Variants in OSBPL3 observed in about 807,000 individuals in gnomAD.
OSBPL3 encodes the protein oxysterol binding protein like 3, also known as oxysterol-binding protein-related protein 3.
Under a neutral mutation model 120.1 loss-of-function variants are expected in OSBPL3, and 65 were observed. The ratio of observed to expected loss-of-function variants is 0.54; its 90% CI spans 0.44 to 0.67. OSBPL3 has a LOEUF of 0.67. Among genes scored for constraint, OSBPL3 ranks in the 30% least tolerant of loss-of-function variants. OSBPL3 has a pLI of 0.00. For synonymous variants in OSBPL3, 416 were observed against 402.6 expected (o/e 1.03, Z -0.40); for missense variants, 1,004 against 1,082.1 (o/e 0.93, Z 1.01).
chr7:24,894,252 T>C lies in OSBPL3; in HGVS notation c.-149-1631A>G, dbSNP rs190645247. Among the ~76,000 whole-genome samples the C allele has an allele frequency of 2.0e-4, 30 of 152,246 alleles. 1 individual carries two copies. In the East Asian group the frequency reaches 4.2e-3, roughly 22 times the overall value. On this transcript the variant is annotated intron_variant, in intron 1 of 22. Coordinates refer to ENST00000313367, the MANE Select transcript of OSBPL3 (RefSeq NM_015550.4). The surrounding 1 kb of genome is among the most constrained non-coding windows in gnomAD (Gnocchi z 4.1). ...AATGAAATTAAGGTGCCCAGAGCCA[T>C]AGAGCTCAATTCCCATGTTACTCTT...
rs184394648 is a variant in OSBPL3, at chr7:24,875,118, T to G, written c.97-3049A>C. Among the ~76,000 whole-genome samples the G allele has an allele frequency of 1.0e-3, 159 of 152,366 alleles. 1 individual carries two copies. Among genetic ancestry groups the G allele is most frequent in the Admixed American group, 2.0e-3 (30 of 15,310 alleles). On this transcript the variant is annotated intron_variant, in intron 2 of 22. Transcript: ENST00000313367. Reference sequence around the variant, plus strand: ...ACTTCCCAAAGTGCCATTAGCCATTTCTGTAAGTGAAATGTGCTTAAAATC... The same window carrying G: ...ACTTCCCAAAGTGCCATTAGCCATTGCTGTAAGTGAAATGTGCTTAAAATC...
At chr7:24,861,420 C>T (rs186713914) in intron 10 of OSBPL3, among the ~76,000 whole-genome samples, 193 bp downstream of exon 10, 1 of 152,264 alleles carries the variant, frequency 6.6e-6, no homozygotes, top group Admixed American at 6.5e-5. Flanking sequence ...TTGTCTCCCC[C>T]ACAAGGTTAA....
At chr7:24,945,057 C>T (rs1019106940) in intron 1 of OSBPL3, among the ~76,000 whole-genome samples, 3 of 152,276 alleles carry the variant, frequency 2.0e-5, no homozygotes, top group Admixed American at 6.5e-5. Context: ...AATTTGATTA[C>T]TTGAGTATCA....
In OSBPL3 at chr7:24,900,431, T is replaced by C. The variant is rs1302090987; in HGVS notation, c.-149-7810A>G. ...CCTACGGTAAAATTAGCTTCGTATA[T>C]ATCGTTTCACTTGAAGTCACAGTTT... On this transcript the variant is annotated intron_variant, in intron 1 of 22. Transcript: ENST00000313367. This position sits in a 1 kb window ranked among gnomAD's most constrained non-coding sequence, Gnocchi z 4.5. 6.6e-6 allele frequency among the ~76,000 whole-genome samples: 1 copy of C among 152,226 alleles called. No individual in the cohort carries two copies. The highest frequency in any genetic ancestry group is 1.5e-5 in the Non-Finnish European group (1 of 68,036).
rs62451593 is a variant in OSBPL3, at chr7:24,979,535, G to A, written c.-150+351C>T. Among the ~76,000 whole-genome samples the A allele has an allele frequency of 2.9e-3, 439 of 152,286 alleles. 2 individuals are homozygous for A. Among genetic ancestry groups the A allele is most frequent in the Non-Finnish European group, 5.3e-3 (359 of 68,008 alleles). ...CAGGCTTCCTGAGCCTCTAGCCCCG[G>A]CGTAGCGCCTCCCCGCTGCCCAGGA... On this transcript the variant is annotated intron_variant, in intron 1 of 22. Coordinates refer to ENST00000313367, the MANE Select transcript of OSBPL3 (RefSeq NM_015550.4).
At chr7:24,941,876 T>C (rs1231976707) in intron 1 of OSBPL3, among the ~76,000 whole-genome samples, 2 of 152,188 alleles carry the variant, frequency 1.3e-5, no homozygotes, top group Non-Finnish European at 2.9e-5. Context: ...TCAACCTTCC[T>C]TTCCCCCTTT....
At chr7:24,895,351 T>A (rs1805982981) in intron 1 of OSBPL3, among the ~76,000 whole-genome samples, 1 of 152,204 alleles carries the variant, frequency 6.6e-6, no homozygotes, top group Admixed American at 6.5e-5. Context: ...CAGGACAGTA[T>A]CATGCTGTAC....
At chr7:24,880,284 C>A (rs539138494) in intron 2 of OSBPL3, among the ~76,000 whole-genome samples, 1 of 152,136 alleles carries the variant, frequency 6.6e-6, no homozygotes. Flanking sequence ...TTGCAGACTG[C>A]GTCTTGAGAT....
Position 24,966,202 on chromosome 7 carries a change from G to A in OSBPL3, c.-150+13684C>T, listed in dbSNP as rs1221871951. Among the ~76,000 whole-genome samples, 5 of 152,206 alleles carry A rather than the reference G, an allele frequency of 3.3e-5. No individual in the cohort carries two copies. The highest frequency in any genetic ancestry group is 2.6e-4 in the Admixed American group (4 of 15,276). On this transcript the variant is annotated intron_variant, in intron 1 of 22. Coordinates refer to ENST00000313367, the MANE Select transcript of OSBPL3 (RefSeq NM_015550.4). This position sits in a 1 kb window ranked among gnomAD's most constrained non-coding sequence, Gnocchi z 4.8. ...CCCAGACTGGGAAGTTCTTAGCCGC[G>A]AAGAGAAATCCAGCACCTGCGGAGA...
rs1441748439 is a variant in OSBPL3 at position 24,959,273 on chromosome 7, C to T, written c.-150+20613G>A. On this transcript the variant is annotated intron_variant, in intron 1 of 22. Coordinates refer to ENST00000313367, the MANE Select transcript of OSBPL3 (RefSeq NM_015550.4). This position sits in a 1 kb window ranked among gnomAD's most constrained non-coding sequence, Gnocchi z 4.3. ...ACATTTGTTCACCAAAAGTTATGTACGAGAATATTCACAGCAGCACTAATC... is the reference window on the plus strand; with the variant it reads ...ACATTTGTTCACCAAAAGTTATGTATGAGAATATTCACAGCAGCACTAATC... 1.3e-5 allele frequency among the ~76,000 whole-genome samples: 2 copies of T among 151,612 alleles called. No individual in the cohort carries two copies. Among genetic ancestry groups the T allele is most frequent in the Non-Finnish European group, 2.9e-5 (2 of 67,940 alleles).
chr7:24,861,669 TCA>T lies in OSBPL3; in HGVS notation c.969_970del (p.Glu324AsnfsTer7), dbSNP rs760483759. 6.2e-7 allele frequency: 1 copy of T among 1,610,954 alleles called. No homozygotes were observed. Among genetic ancestry groups the T allele is most frequent in the African/African-American group, 1.3e-5 (1 of 74,956 alleles). On this transcript the variant is annotated frameshift_variant, in exon 10 of 23. Transcript: ENST00000313367. LOFTEE classifies it high-confidence loss of function. ...CATTTTAGAAAACTCTGATGAGGTT[TCA>T]GAGCCATCAGAATAATTTTTCTCTT...
Position 24,840,764 on chromosome 7 carries a change from T to C in OSBPL3, c.1421A>G (p.Tyr474Cys), listed in dbSNP as rs774453612. 9.7e-6 allele frequency: 14 copies of C among 1,445,922 alleles called. No homozygotes were observed. The highest frequency in any genetic ancestry group is 1.2e-5 in the Non-Finnish European group (13 of 1,047,970). 89.6% of individuals were successfully genotyped at this position (1,445,922 alleles called of 1,614,324 possible). Residue 474 changes from tyrosine to cysteine, a missense_variant, in exon 14 of 23, where the codon TAT (tyrosine) becomes TGT (cysteine). Tyr to Cys is a radical substitution (Grantham distance 194, BLOSUM62 -2). Coordinates refer to ENST00000313367, the MANE Select transcript of OSBPL3 (RefSeq NM_015550.4). ...AAGATTATCACTTATGTCACTGACA[T>C]ATGAGTCATCATCAGAAATCTATGG... Reference protein sequence around the residue: ...SENEISDDDSYVSDISDNLSL... With the variant: ...SENEISDDDSCVSDISDNLSL...
intron 1 of OSBPL3, among the ~76,000 whole-genome samples, chr7:24,975,579 T>C (rs578078744): frequency 2.0e-5 from 3 of 152,204 alleles, no homozygotes; most frequent in Non-Finnish European, 4.4e-5. Flanking sequence ...TTTAGTGATG[T>C]GAGGAATAGA....
intron 1 of OSBPL3, among the ~76,000 whole-genome samples, chr7:24,962,568 G>A (rs114409262): frequency 1.3e-5 from 2 of 152,086 alleles, no homozygotes; most frequent in Admixed American, 6.5e-5. Context: ...TTAGGCACAC[G>A]ACCCAGGTGG....
In OSBPL3 at chr7:24,953,694, A is replaced by G. The variant is rs1283542071; in HGVS notation, c.-150+26192T>C. Reference sequence around the variant, plus strand: ...TACCTATTTCAGATCCTGGTACAGTAGGTGCCCAGTAAACGCTGAACAAAT... The same window carrying G: ...TACCTATTTCAGATCCTGGTACAGTGGGTGCCCAGTAAACGCTGAACAAAT... On this transcript the variant is annotated intron_variant, in intron 1 of 22. Coordinates refer to ENST00000313367, the MANE Select transcript of OSBPL3 (RefSeq NM_015550.4). This position sits in a 1 kb window ranked among gnomAD's most constrained non-coding sequence, Gnocchi z 4.3. Among the ~76,000 whole-genome samples, 1 of 152,222 alleles carries G rather than the reference A, an allele frequency of 6.6e-6. No individual in the cohort carries two copies.
chr7:24,911,009 G>A (rs1808749907), intron 1 of OSBPL3, among the ~76,000 whole-genome samples: 2 of 152,190 alleles, frequency 1.3e-5, no homozygotes, highest in African/African-American at 4.8e-5. Flanking sequence ...GACACTCCCA[G>A]GTGATTTGGA....
intron 1 of OSBPL3, among the ~76,000 whole-genome samples, chr7:24,963,547 G>A (rs545510354): frequency 1.1e-4 from 16 of 152,274 alleles, no homozygotes; most frequent in African/African-American, 9.6e-5. Context: ...GGCTGAGTGC[G>A]CATCTGACTG....
In OSBPL3 at chr7:24,918,553, C is replaced by T. The variant is rs1810004837; in HGVS notation, c.-149-25932G>A. 6.6e-6 allele frequency among the ~76,000 whole-genome samples: 1 copy of T among 152,176 alleles called. No homozygotes were observed. The highest frequency in any genetic ancestry group is 6.5e-5 in the Admixed American group (1 of 15,276). ...AATATTCACACAACTGTTATGTGGG[C>T]TTACTTAGAAACATATGTACAAGCA... On this transcript the variant is annotated intron_variant, in intron 1 of 22. Transcript: ENST00000313367. This position sits in a 1 kb window ranked among gnomAD's most constrained non-coding sequence, Gnocchi z 4.3.
chr7:24,849,912 T>C lies in OSBPL3; in HGVS notation c.1159-736A>G, dbSNP rs1798927975. On this transcript the variant is annotated intron_variant, in intron 11 of 22. Transcript: ENST00000313367. The surrounding 1 kb of genome is among the most constrained non-coding windows in gnomAD (Gnocchi z 5.4). ...TGACAGATGTTGCAGCGAGCTGAGA[T>C]TGCGGCCTGGGTGAGAGTGAGACCC... 6.6e-6 allele frequency among the ~76,000 whole-genome samples: 1 copy of C among 151,166 alleles called. No homozygotes were observed. Among genetic ancestry groups the C allele is most frequent in the African/African-American group, 2.4e-5 (1 of 41,088 alleles).
Sources: gnomAD v4.1 joint callset for allele counts (sites outside exome capture counted in the v4.1 genomes callset) on GRCh38, gnomAD v4.1.1 for gene constraint, Gnocchi (gnomAD v3.1) non-coding constraint, MANE v1.5 for transcripts, NCBI Gene and HGNC (gene_info 2026-07-23, HGNC 2026-07-21) for gene names.